The following KCNQ3 variants were observed in gnomAD, a reference collection of about 807,000 sequenced individuals.
The protein encoded by KCNQ3 is potassium voltage-gated channel subfamily KQT member 3.
Under a neutral mutation model 92.5 loss-of-function variants are expected in KCNQ3, and 30 were observed. That is an observed-to-expected ratio of 0.32 (90% CI 0.24 to 0.44). The LOEUF (loss-of-function observed/expected upper bound fraction) is 0.44, where lower values mean the gene tolerates loss of function less well. KCNQ3 is among the 20% of genes least tolerant of loss of function. KCNQ3 has a pLI of 1.00. For missense variants in KCNQ3, 913 were observed against 1,140.3 expected, an observed-to-expected ratio of 0.80 and a Z score of 2.87; for synonymous variants, 450 against 468.8, an observed-to-expected ratio of 0.96 and a Z score of 0.52.
intron 1 of KCNQ3, among the ~76,000 whole-genome samples, chr8:132,240,522 C>T (rs1461498188): frequency 6.6e-6 from 1 of 152,182 alleles, no homozygotes; most frequent in African/African-American, 2.4e-5. Flanking sequence ...CCTCTATCCT[C>T]TGCCATGCTC....
At chr8:132,331,606 C>G (rs961569682) in intron 1 of KCNQ3, among the ~76,000 whole-genome samples, 5 of 152,202 alleles carry the variant, frequency 3.3e-5, no homozygotes, top group Non-Finnish European at 5.9e-5. Context: ...CTTCCTCCTC[C>G]TCCTGCTCCT....
intron 1 of KCNQ3, among the ~76,000 whole-genome samples, chr8:132,342,122 G>T (rs1291787864): frequency 1.3e-5 from 2 of 152,022 alleles, no homozygotes; most frequent in African/African-American, 4.8e-5. Context: ...TCAGTTTTCT[G>T]TAAATGTGGA....
At chr8:132,373,437 G>A (rs1298901105) in intron 1 of KCNQ3, among the ~76,000 whole-genome samples, 3 of 152,158 alleles carry the variant, frequency 2.0e-5, no homozygotes, top group Admixed American at 6.5e-5. Context: ...TGGGAATGAC[G>A]TTTATCAAGT....
intron 1 of KCNQ3, among the ~76,000 whole-genome samples, chr8:132,226,086 G>A (rs769408715): frequency 3.3e-5 from 5 of 151,920 alleles, no homozygotes; most frequent in Admixed American, 1.3e-4. Flanking sequence ...CCTGGCTAAC[G>A]TGGCGAAACC....
intron 1 of KCNQ3, among the ~76,000 whole-genome samples, chr8:132,356,493 G>C (rs1006771167): frequency 4.6e-5 from 7 of 152,156 alleles, no homozygotes; most frequent in Non-Finnish European, 1.0e-4. Flanking sequence ...TCCACAGAGT[G>C]GCTGGATGTG....
intron 1 of KCNQ3, among the ~76,000 whole-genome samples, chr8:132,220,641 C>A (rs974914935): frequency 6.6e-6 from 1 of 152,014 alleles, no homozygotes; most frequent in African/African-American, 2.4e-5. Context: ...TCCAGCTACT[C>A]AGGAGGCTGA....
At chr8:132,286,603 T>G (rs1816685484) in intron 1 of KCNQ3, among the ~76,000 whole-genome samples, 1 of 152,186 alleles carries the variant, frequency 6.6e-6, no homozygotes, top group South Asian at 2.1e-4. Flanking sequence ...GAGTTGGTGC[T>G]AGAATGAATT....
At chr8:132,339,959 A>T (rs535654040) in intron 1 of KCNQ3, among the ~76,000 whole-genome samples, 1 of 143,804 alleles carries the variant, frequency 7.0e-6, no homozygotes, top group East Asian at 2.0e-4. Context: ...CAACAAACAT[A>T]AAAAAAAAAA....
At chr8:132,240,592 A>G (rs1814963759) in intron 1 of KCNQ3, among the ~76,000 whole-genome samples, 1 of 152,168 alleles carries the variant, frequency 6.6e-6, no homozygotes, top group Non-Finnish European at 1.5e-5. Flanking sequence ...AAGGCAACCA[A>G]CACCTATCTG....
chr8:132,362,799 T>G (rs1050044791), intron 1 of KCNQ3, among the ~76,000 whole-genome samples: 1 of 152,090 alleles, frequency 6.6e-6, no homozygotes, highest in African/African-American at 2.4e-5. Flanking sequence ...GAGTCACAGC[T>G]GGTAGGAAAG....
At chr8:132,309,815 A>G (rs1431341439) in intron 1 of KCNQ3, among the ~76,000 whole-genome samples, 2 of 152,238 alleles carry the variant, frequency 1.3e-5, no homozygotes, top group African/African-American at 4.8e-5. Flanking sequence ...CAGCTATCTC[A>G]GAGAGAACTC....
chr8:132,339,789 G>A (rs771601677), intron 1 of KCNQ3, among the ~76,000 whole-genome samples: 1 of 152,024 alleles, frequency 6.6e-6, no homozygotes, highest in Non-Finnish European at 1.5e-5. Context: ...AGAAAGATTA[G>A]CTTCCCCCAT....
rs771552309 is a variant in KCNQ3, at chr8:132,480,197, G to A, written c.336C>T (p.Tyr112=). 3.7e-6 allele frequency: 6 copies of A among 1,613,192 alleles called. No individual in the cohort carries two copies. Among genetic ancestry groups the A allele is most frequent in the Non-Finnish European group, 5.1e-6 (6 of 1,179,456 alleles). Reference sequence around the variant, plus strand: ...AGCCCCGCGGTCTCTCCAGGGCGTCGTAGATCAAAGTTTGGATGCGCCGGT... The same window carrying A: ...AGCCCCGCGGTCTCTCCAGGGCGTCATAGATCAAAGTTTGGATGCGCCGGT... ...AKYRRIQTLI[Y]DALERPRGWA... The change falls in exon 1 of 15, where the codon TAC becomes TAT. Residue 112 remains tyrosine (Y), a synonymous_variant. Transcript: ENST00000388996.
chr8:132,385,184 A>G (rs1246737530), intron 1 of KCNQ3, among the ~76,000 whole-genome samples: 1 of 152,252 alleles, frequency 6.6e-6, no homozygotes, highest in Non-Finnish European at 1.5e-5. Flanking sequence ...CTGAGAGATC[A>G]TCCCAGCTTC....
intron 7 of KCNQ3, among the ~76,000 whole-genome samples, chr8:132,171,717 T>C (rs1826357382): frequency 6.6e-6 from 1 of 152,218 alleles, no homozygotes; most frequent in South Asian, 2.1e-4. Flanking sequence ...ACTGTTCTCC[T>C]TGTAGCTGAT....
intron 1 of KCNQ3, among the ~76,000 whole-genome samples, chr8:132,249,718 G>A (rs1441779457): frequency 3.9e-5 from 6 of 152,172 alleles, no homozygotes; most frequent in African/African-American, 9.6e-5. Context: ...GGCGGTGCTC[G>A]TTGGGGAGGC....
At chr8:132,320,471 G>A (rs554277037) in intron 1 of KCNQ3, among the ~76,000 whole-genome samples, 2 of 152,242 alleles carry the variant, frequency 1.3e-5, no homozygotes, top group Non-Finnish European at 2.9e-5. Context: ...AAAGGTCACA[G>A]TGTCACCAAA....
At chr8:132,476,149 C>T (rs1822406679) in intron 1 of KCNQ3, among the ~76,000 whole-genome samples, 1 of 152,224 alleles carries the variant, frequency 6.6e-6, no homozygotes, top group Non-Finnish European at 1.5e-5. Context: ...GAACCTCCAC[C>T]TAGATTTCAG....
intron 1 of KCNQ3, among the ~76,000 whole-genome samples, chr8:132,338,653 G>A (rs899747308): frequency 1.3e-5 from 2 of 152,102 alleles, no homozygotes; most frequent in Admixed American, 6.5e-5. Context: ...CTCAAATGGC[G>A]CCCGCCAGTC....
Sources: gnomAD v4.1 joint callset for allele counts (sites outside exome capture counted in the v4.1 genomes callset) on GRCh38, gnomAD v4.1.1 for gene constraint, MANE v1.5 for transcripts, NCBI Gene and HGNC (gene_info 2026-07-23, HGNC 2026-07-21) for gene names.